Variants in NUBPL observed in about 807,000 individuals in gnomAD.
NUBPL encodes the protein NUBP iron-sulfur cluster assembly factor, mitochondrial.
In NUBPL, 31 loss-of-function variants were observed where a neutral mutation model predicts 45.7. That is an observed-to-expected ratio of 0.68 (90% CI 0.51 to 0.92). The LOEUF is 0.92. Ranked by LOEUF, NUBPL falls within the 40% of genes least tolerant of loss-of-function variation. The pLI is 0.00. For missense variants in NUBPL, 401 were observed against 398.7 expected (o/e 1.01, Z -0.05); for synonymous variants, 144 against 140.9 (o/e 1.02, Z -0.15).
chr14:31,666,263 A>ATATTTATTATTT lies in NUBPL; in HGVS notation c.383-7092_383-7091insTATTTATTATTT. ...TATATATATATATATATATATATAT[A>ATATTTATTATTT]ATTTTATTTTATTTTTTTTGAGACG... On this transcript the variant is annotated intron_variant, in intron 4 of 10. Coordinates refer to ENST00000281081, the MANE Select transcript of NUBPL (RefSeq NM_025152.3). Among the ~76,000 whole-genome samples the ATATTTATTATTT allele has an allele frequency of 6.7e-3, 752 of 111,762 alleles. 38 individuals carry two copies. Among genetic ancestry groups the ATATTTATTATTT allele is most frequent in the African/African-American group, 0.02 (657 of 32,516 alleles). The allele number at this position is 111,762 out of a possible 152,430, so 73.3% of individuals were successfully genotyped here. A position where few individuals can be genotyped will look rare whatever the true frequency, so the allele number is the denominator to read the frequency against.
intron 6 of NUBPL, among the ~76,000 whole-genome samples, chr14:31,680,693 G>A (rs1312660981): frequency 2.0e-5 from 3 of 151,414 alleles, no homozygotes; most frequent in African/African-American, 7.3e-5. Flanking sequence ...TGGTGAATGT[G>A]GTATTCGCAT....
intron 6 of NUBPL, among the ~76,000 whole-genome samples, chr14:31,702,024 G>A (rs1713662155): frequency 6.6e-6 from 1 of 152,160 alleles, no homozygotes; most frequent in African/African-American, 2.4e-5. Flanking sequence ...AAGTGTAGGG[G>A]TTCCCAAGAT....
Position 31,629,142 on chromosome 14 carries a change from G to A in NUBPL, c.382+29763G>A, listed in dbSNP as rs139487762. On this transcript the variant is annotated intron_variant, in intron 4 of 10. Transcript: ENST00000281081. Reference sequence around the variant, plus strand: ...TCTTGGGGATCTCCAGAGAGAAAGGGCCAATAACCAACCATATTTGGAGAA... The same window carrying A: ...TCTTGGGGATCTCCAGAGAGAAAGGACCAATAACCAACCATATTTGGAGAA... 1.6e-3 allele frequency among the ~76,000 whole-genome samples: 241 copies of A among 152,252 alleles called. 4 individuals are homozygous for A. The East Asian group carries it at 0.04, about 26-fold the overall frequency.
At chr14:31,649,361 G>A (rs1595434486) in intron 4 of NUBPL, among the ~76,000 whole-genome samples, 1 of 151,704 alleles carries the variant, frequency 6.6e-6, no homozygotes, top group Non-Finnish European at 1.5e-5. Flanking sequence ...TGTAAATTTA[G>A]TTTTAAATGT....
intron 4 of NUBPL, among the ~76,000 whole-genome samples, chr14:31,652,056 G>C (rs536422128): frequency 1.3e-5 from 2 of 152,252 alleles, no homozygotes; most frequent in South Asian, 4.1e-4. Context: ...GTGGTTGAAT[G>C]AATGGATAAA....
chr14:31,703,174 G>C (rs2037375609), intron 6 of NUBPL: 1 of 152,266 alleles, frequency 6.6e-6, no homozygotes, highest in South Asian at 2.1e-4. Flanking sequence ...AGTGCATTTG[G>C]AAGAGAGCCA....
chr14:31,789,894 T>C (rs2039347617), intron 7 of NUBPL, among the ~76,000 whole-genome samples: 1 of 151,808 alleles, frequency 6.6e-6, no homozygotes, highest in Non-Finnish European at 1.5e-5. Context: ...TTTTTCATAC[T>C]GTGATTTTTC....
chr14:31,669,063 A>G (rs186321692), intron 4 of NUBPL, among the ~76,000 whole-genome samples: 207 of 152,218 alleles, frequency 1.4e-3, no homozygotes, highest in Middle Eastern at 3.4e-3. Context: ...GGGTCTCACT[A>G]TGTTACTCAG....
chr14:31,649,821 C>G lies in NUBPL; in HGVS notation c.383-23534C>G, dbSNP rs929118473. ...AGTATCTTCCATTAGACTTTAACAC[C>G]CTTAGCTCTTTGCCTTTAGGAGATT... is the stretch of plus-strand genomic sequence containing the variant. On this transcript the variant is annotated intron_variant, in intron 4 of 10. Transcript: ENST00000281081. Among the ~76,000 whole-genome samples the G allele has an allele frequency of 5.9e-5, 9 of 152,090 alleles. 1 individual carries two copies. The highest frequency in any genetic ancestry group is 5.9e-4 in the Admixed American group (9 of 15,266).
At chr14:31,734,180 G>A (rs986977187) in intron 6 of NUBPL, among the ~76,000 whole-genome samples, 5 of 151,838 alleles carry the variant, frequency 3.3e-5, no homozygotes, top group Non-Finnish European at 2.9e-5. Context: ...CTATGTTCAC[G>A]GGTGATGTTG....
chr14:31,717,274 C>G (rs2037710913), intron 6 of NUBPL, among the ~76,000 whole-genome samples: 2 of 152,168 alleles, frequency 1.3e-5, no homozygotes, highest in South Asian at 2.1e-4. Context: ...CTGGAATACC[C>G]TGTTCTTAAC....
chr14:31,726,674 G>A (rs2037933514), intron 6 of NUBPL, among the ~76,000 whole-genome samples: 1 of 151,856 alleles, frequency 6.6e-6, no homozygotes, highest in African/African-American at 2.4e-5. Context: ...TGAATAATGA[G>A]TTAATTATTC....
chr14:31,702,869 A>C (rs147748060), intron 6 of NUBPL, among the ~76,000 whole-genome samples: 1 of 152,306 alleles, frequency 6.6e-6, no homozygotes, highest in African/African-American at 2.4e-5. Context: ...AAACCTAAAC[A>C]TTTCTTCCTT....
At chr14:31,852,049 C>T (rs10144515) in intron 10 of NUBPL, among the ~76,000 whole-genome samples, 6,764 of 152,224 alleles carry the variant, frequency 0.044, 328 homozygotes, top group African/African-American at 0.12. Context: ...CTCTGCATGG[C>T]AGGAAGAGCA....
intron 6 of NUBPL, among the ~76,000 whole-genome samples, chr14:31,753,063 G>A (rs991297940): frequency 2.6e-5 from 4 of 152,246 alleles, no homozygotes; most frequent in Admixed American, 2.6e-4. Flanking sequence ...ATTTCTAGAT[G>A]AGATTTGGGT....
At chr14:31,620,412 G>A (rs2035027691) in intron 4 of NUBPL, among the ~76,000 whole-genome samples, 2 of 152,066 alleles carry the variant, frequency 1.3e-5, no homozygotes, top group Admixed American at 1.3e-4. Context: ...CCATCTTTGT[G>A]GATTTATCTA....
chr14:31,779,407 G>C (rs1403224156), intron 6 of NUBPL, among the ~76,000 whole-genome samples: 1 of 152,096 alleles, frequency 6.6e-6, no homozygotes, highest in Non-Finnish European at 1.5e-5. Context: ...GTGACTTGAA[G>C]AGAGCCGTGA....
intron 6 of NUBPL, among the ~76,000 whole-genome samples, chr14:31,734,755 A>ACG (rs55884057): frequency 0.45 from 68,659 of 151,562 alleles, 16,597 homozygotes; most frequent in African/African-American, 0.64. Flanking sequence ...AAGACATGAA[A>ACG]TAGTAGCAAG....
intron 4 of NUBPL, among the ~76,000 whole-genome samples, chr14:31,664,152 G>GT (rs2036345518): frequency 2.6e-5 from 4 of 152,170 alleles, no homozygotes; most frequent in South Asian, 2.1e-4. Flanking sequence ...GACAATGGGG[G>GT]TTTTTTAAAT....
Sources: gnomAD v4.1 joint callset for allele counts (sites outside exome capture counted in the v4.1 genomes callset) on GRCh38, gnomAD v4.1.1 for gene constraint, MANE v1.5 for transcripts, NCBI Gene and HGNC (gene_info 2026-07-23, HGNC 2026-07-21) for gene names.